The following SCLT1 variants were observed in gnomAD, a reference collection of about 807,000 sequenced individuals.
SCLT1 encodes sodium channel-associated protein 1.
SCLT1 carries 78 observed loss-of-function variants against 112.8 expected under a neutral mutation model. That is an observed-to-expected ratio of 0.69 (90% CI 0.58 to 0.83). The LOEUF (loss-of-function observed/expected upper bound fraction) is 0.83. SCLT1 is among the 40% of genes least tolerant of loss of function. The probability of loss-of-function intolerance (pLI) is 0.00; values close to 1 mark genes in which losing one functional copy is unlikely to be tolerated. For synonymous variants in SCLT1, 257 were observed against 254.7 expected, an observed-to-expected ratio of 1.01 and a Z score of -0.09; for missense variants, 747 against 770.4, an observed-to-expected ratio of 0.97 and a Z score of 0.36.
At chr4:129,084,720 A>G (rs1483351476) in intron 1 of SCLT1, among the ~76,000 whole-genome samples, 1 of 152,210 alleles carries the variant, frequency 6.6e-6, no homozygotes, top group Non-Finnish European at 1.5e-5. Context: ...TTAAGGCCAC[A>G]TACCTACAAC....
intron 7 of SCLT1, among the ~76,000 whole-genome samples, chr4:128,999,122 A>C (rs543462252): frequency 6.6e-6 from 1 of 152,040 alleles, no homozygotes; most frequent in African/African-American, 2.4e-5. Flanking sequence ...AAGAGTGTAG[A>C]ATGATTCTTG....
rs1753025524 is a variant in SCLT1, at chr4:129,093,315, C to T, written c.-212G>A. 6 of 596,076 alleles carry T rather than the reference C, an allele frequency of 1.0e-5. No homozygotes were observed. In the Admixed American group the frequency reaches 1.2e-4, roughly 12 times the overall value. 36.9% of individuals were successfully genotyped at this position (596,076 alleles called of 1,614,324 possible). A position where few individuals can be genotyped will look rare whatever the true frequency, so the allele number is the denominator to read the frequency against. On this transcript the variant is annotated 5_prime_UTR_variant, in exon 1 of 21. Coordinates refer to ENST00000281142, the MANE Select transcript of SCLT1 (RefSeq NM_144643.4). ...ACGAGTCCCTGGCCCTGGTGAGAGA[C>T]TGAAGATTGCTGGGGACTCCACGTT... is the stretch of plus-strand genomic sequence containing the variant.
intron 2 of SCLT1, among the ~76,000 whole-genome samples, chr4:129,060,956 AC>A (rs1373344538): frequency 6.6e-6 from 1 of 151,832 alleles, no homozygotes; most frequent in Non-Finnish European, 1.5e-5. Flanking sequence ...ACTCTAAGAC[AC>A]CCCTATCCAC....
In SCLT1 at chr4:128,982,792, G is replaced by T. The variant is rs111995305; in HGVS notation, c.686+9375C>A. On this transcript the variant is annotated intron_variant, in intron 9 of 20. Transcript: ENST00000281142. ...GCTGAGATTACAGGCATGAGCTACC[G>T]CACCTGGCCAGCTAAAATTATTTTT... 4.8e-3 allele frequency among the ~76,000 whole-genome samples: 729 copies of T among 152,124 alleles called. 4 individuals carry two copies. The highest frequency in any genetic ancestry group is 0.016 in the African/African-American group (662 of 41,498).
intron 18 of SCLT1, among the ~76,000 whole-genome samples, chr4:128,905,884 T>C (rs1668289): frequency 0.23 from 34,395 of 151,114 alleles, 4,752 homozygotes; most frequent in African/African-American, 0.38. Flanking sequence ...TGACTCCATT[T>C]ATTTTCTTCA....
chr4:129,023,001 TA>T (rs2126126129), intron 5 of SCLT1, among the ~76,000 whole-genome samples: 1 of 152,100 alleles, frequency 6.6e-6, no homozygotes, highest in South Asian at 2.1e-4. Context: ...CCAACAATCT[TA>T]AAGAGAATAA....
At chr4:128,988,407 T>C (rs1392871749) in intron 9 of SCLT1, among the ~76,000 whole-genome samples, 1 of 151,996 alleles carries the variant, frequency 6.6e-6, no homozygotes, top group Non-Finnish European at 1.5e-5. Flanking sequence ...CAGAGTTAAG[T>C]TGTCATCAGT....
chr4:128,900,752 A>C (rs951955967), intron 18 of SCLT1, among the ~76,000 whole-genome samples: 1 of 152,162 alleles, frequency 6.6e-6, no homozygotes, highest in African/African-American at 2.4e-5. Flanking sequence ...CCTACAGAAC[A>C]GGAGAAAATT....
intron 2 of SCLT1, among the ~76,000 whole-genome samples, chr4:129,055,329 A>C (rs944892353): frequency 2.6e-5 from 4 of 152,120 alleles, no homozygotes; most frequent in African/African-American, 9.7e-5. Flanking sequence ...GATCTGCTGC[A>C]CTCTTCAGAG....
intron 5 of SCLT1, among the ~76,000 whole-genome samples, chr4:129,029,635 A>G (rs1746506613): frequency 6.6e-6 from 1 of 152,010 alleles, no homozygotes; most frequent in Non-Finnish European, 1.5e-5. Context: ...TACGTAACCA[A>G]TCTGCACATT....
chr4:128,890,556 T>C (rs954186144), intron 19 of SCLT1, among the ~76,000 whole-genome samples: 13 of 152,174 alleles, frequency 8.5e-5, no homozygotes, highest in Non-Finnish European at 1.6e-4. Flanking sequence ...GAACATCAAA[T>C]GAAGAGATCT....
intron 8 of SCLT1, among the ~76,000 whole-genome samples, chr4:128,994,299 A>G (rs148947114): frequency 1.3e-5 from 2 of 152,204 alleles, no homozygotes; most frequent in East Asian, 1.9e-4. Flanking sequence ...TGACTGGCTT[A>G]TTTCATTTAA....
chr4:129,079,860 C>G (rs1021083959), intron 2 of SCLT1, among the ~76,000 whole-genome samples: 1 of 152,244 alleles, frequency 6.6e-6, no homozygotes, highest in Admixed American at 6.5e-5. Flanking sequence ...CATATATCCT[C>G]TGAAATCCAG....
At chr4:128,937,901 C>A (rs963736601) in intron 17 of SCLT1, among the ~76,000 whole-genome samples, 1 of 152,190 alleles carries the variant, frequency 6.6e-6, no homozygotes, top group African/African-American at 2.4e-5. Context: ...TAATGACTTG[C>A]GTTCTTTCAT....
chr4:128,974,238 C>A (rs1414231315), intron 9 of SCLT1, among the ~76,000 whole-genome samples: 3 of 152,036 alleles, frequency 2.0e-5, no homozygotes, highest in Non-Finnish European at 4.4e-5. Flanking sequence ...ACTGGGAAAG[C>A]TCTGGGGATG....
At chr4:129,042,156 A>C (rs1056615051) in intron 4 of SCLT1, among the ~76,000 whole-genome samples, 2 of 152,186 alleles carry the variant, frequency 1.3e-5, no homozygotes, top group Non-Finnish European at 2.9e-5. Context: ...ATCTAAACCA[A>C]ATCCAATCAT....
chr4:129,058,650 G>C (rs1749672984), intron 2 of SCLT1, among the ~76,000 whole-genome samples: 1 of 152,100 alleles, frequency 6.6e-6, no homozygotes, highest in Non-Finnish European at 1.5e-5. Context: ...CATGGAGAAT[G>C]TTCCATGTGT....
intron 5 of SCLT1, among the ~76,000 whole-genome samples, chr4:129,018,008 C>T (rs1745139757): frequency 6.6e-6 from 1 of 152,240 alleles, no homozygotes; most frequent in South Asian, 2.1e-4. Flanking sequence ...AGAATCACAT[C>T]CCTTTGCTGA....
At chr4:129,026,849 T>TA (rs1246265171) in intron 5 of SCLT1, among the ~76,000 whole-genome samples, 1 of 151,916 alleles carries the variant, frequency 6.6e-6, no homozygotes, top group Non-Finnish European at 1.5e-5. Context: ...ATAGACGCAA[T>TA]AAAAAATGAT....
Sources: allele counts gnomAD v4.1 joint callset (sites outside exome capture counted in the v4.1 genomes callset), GRCh38; gene constraint gnomAD v4.1.1; transcripts MANE v1.5; gene names NCBI Gene and HGNC (gene_info 2026-07-23, HGNC 2026-07-21).